The following MRPS6 variants were observed in gnomAD, a reference collection of about 807,000 sequenced individuals.
The protein encoded by MRPS6 is mitochondrial ribosomal protein S6, also known as small ribosomal subunit protein bS6m.
A neutral mutation model predicts 13.1 loss-of-function variants in MRPS6; 6 were observed. The observed-to-expected ratio is 0.46, with a 90% CI of 0.25 to 0.91. The LOEUF (loss-of-function observed/expected upper bound fraction) is 0.91, where lower values mean the gene tolerates loss of function less well. MRPS6 is among the 40% of genes least tolerant of loss of function. The probability of loss-of-function intolerance (pLI) is 0.18; values close to 1 mark genes in which losing one functional copy is unlikely to be tolerated. For synonymous variants in MRPS6, 61 were observed against 56.5 expected (o/e 1.08, Z -0.36); for missense variants, 164 against 155.6 (o/e 1.05, Z -0.29).
At chr21:34,074,790 G>T (rs996872362) in intron 1 of MRPS6, among the ~76,000 whole-genome samples, 5 of 152,210 alleles carry the variant, frequency 3.3e-5, no homozygotes, top group African/African-American at 9.6e-5. Flanking sequence ...TTGAAATTAG[G>T]CTCCAGGTCA....
At chr21:34,089,439 CT>C (rs1978567075) in intron 1 of MRPS6, among the ~76,000 whole-genome samples, 1 of 151,844 alleles carries the variant, frequency 6.6e-6, no homozygotes, top group Non-Finnish European at 1.5e-5. Context: ...TTGTTCTTCC[CT>C]CCCTGACTGC....
chr21:34,117,728 G>T (rs999663960), intron 1 of MRPS6, among the ~76,000 whole-genome samples: 1 of 152,144 alleles, frequency 6.6e-6, no homozygotes, highest in African/African-American at 2.4e-5. Flanking sequence ...AATTTGGTCT[G>T]CCCATAAGAG....
rs910781294 is a variant in MRPS6, at chr21:34,106,299, A to G, written c.46-19042A>G. Reference sequence around the variant, plus strand: ...AAGTATTTTCAGTATGAACACTGCCACAATGTAGTGTTCTGGGTCTCAGAG... The same window carrying G: ...AAGTATTTTCAGTATGAACACTGCCGCAATGTAGTGTTCTGGGTCTCAGAG... On this transcript the variant is annotated intron_variant, in intron 1 of 2. Transcript: ENST00000399312. 9.8e-6 allele frequency: 4 copies of G among 406,494 alleles called. No individual in the cohort carries two copies. In the Admixed American group the frequency reaches 2.6e-4, roughly 26 times the overall value. 25.2% of individuals were successfully genotyped at this position (406,494 alleles called of 1,614,324 possible).
chr21:34,073,730 G>A lies in MRPS6; in HGVS notation c.30G>A (p.Leu10=). The change falls in exon 1 of 3, where the codon CTG becomes CTA. Residue 10 remains leucine (L), a synonymous_variant. Coordinates refer to ENST00000399312, the MANE Select transcript of MRPS6 (RefSeq NM_032476.4). ...CCCGCTACGAGCTGGCTTTAATCCT[G>A]AAAGCCATGCAGCGGGTAAGTGACC... The part of the protein sequence containing the change: MPRYELALI[L]KAMQRPETAA... 1 of 1,528,790 alleles carries A rather than the reference G, an allele frequency of 6.5e-7. No individual in the cohort carries two copies. The highest frequency in any genetic ancestry group is 8.8e-7 in the Non-Finnish European group (1 of 1,132,714). The allele number at this position is 1,528,790 out of a possible 1,614,324, so 94.7% of individuals were successfully genotyped here.
intron 1 of MRPS6, chr21:34,103,563 C>T (rs1389691032): frequency 7.0e-6 from 7 of 999,894 alleles, no homozygotes; most frequent in Non-Finnish European, 8.4e-6. Flanking sequence ...AGCTAAAGTC[C>T]ATAGAAAGCA....
intron 1 of MRPS6, among the ~76,000 whole-genome samples, chr21:34,110,038 G>T (rs1393456367): frequency 6.6e-6 from 1 of 152,150 alleles, no homozygotes; most frequent in Non-Finnish European, 1.5e-5. Flanking sequence ...AAATTTCAGA[G>T]CCTATTGCCC....
At chr21:34,098,013 T>C in intron 1 of MRPS6, 1 of 999,360 alleles carries the variant, frequency 1.0e-6, no homozygotes, top group Non-Finnish European at 1.2e-6. Context: ...TCTTTCTACT[T>C]TCAAGTTTAA....
intron 1 of MRPS6, among the ~76,000 whole-genome samples, chr21:34,091,099 T>C (rs1978660707): frequency 6.6e-6 from 1 of 152,242 alleles, no homozygotes; most frequent in East Asian, 1.9e-4. Flanking sequence ...TATTTTTCAT[T>C]TGGATCAGAG....
chr21:34,120,926 A>G (rs1188054365), intron 1 of MRPS6, among the ~76,000 whole-genome samples: 2 of 152,202 alleles, frequency 1.3e-5, no homozygotes, highest in East Asian at 3.8e-4. Context: ...TGTTAGAGAT[A>G]GAAGGAAACT....
intron 1 of MRPS6, chr21:34,097,720 TAGA>T (rs1602931930): frequency 9.9e-7 from 1 of 1,009,906 alleles, no homozygotes; most frequent in East Asian, 1.1e-4. Context: ...TACCCTGAAG[TAGA>T]AGATTTGCTC....
At chr21:34,104,696 G>A (rs571771645) in intron 1 of MRPS6, 529 of 1,000,080 alleles carry the variant, frequency 5.3e-4, no homozygotes, top group Non-Finnish European at 6.2e-4. Flanking sequence ...TCAGGCCTGG[G>A]GGGATGAGGG....
chr21:34,116,389 C>A (rs1372802502), intron 1 of MRPS6, among the ~76,000 whole-genome samples: 1 of 142,994 alleles, frequency 7.0e-6, no homozygotes, highest in Non-Finnish European at 1.5e-5. Flanking sequence ...TTAATAAGTT[C>A]TTTAGTGGTG....
rs753327329 is a variant in MRPS6, at chr21:34,097,203, C to A, written c.45+23458C>A. On this transcript the variant is annotated intron_variant, in intron 1 of 2. Coordinates refer to ENST00000399312, the MANE Select transcript of MRPS6 (RefSeq NM_032476.4). ...GTTTTGTGGCTTTAAAAGTAAGAGC[C>A]TCAGCAAGAGGAGTCTCAGAGACCT... The A allele has an allele frequency of 1.2e-5, 19 of 1,614,054 alleles. No homozygotes were observed. The highest frequency in any genetic ancestry group is 3.3e-4 in the Middle Eastern group (2 of 6,060).
At chr21:34,110,780 T>C (rs1403630656) in intron 1 of MRPS6, among the ~76,000 whole-genome samples, 1 of 152,220 alleles carries the variant, frequency 6.6e-6, no homozygotes, top group Non-Finnish European at 1.5e-5. Flanking sequence ...TGTTTCTGTT[T>C]AAAGACAACA....
At chr21:34,093,077 CT>C (rs1326334711) in intron 1 of MRPS6, among the ~76,000 whole-genome samples, 1 of 152,090 alleles carries the variant, frequency 6.6e-6, no homozygotes, top group African/African-American at 2.4e-5. Flanking sequence ...TACTAGTCAT[CT>C]GATTAGATTT....
intron 1 of MRPS6, among the ~76,000 whole-genome samples, chr21:34,074,967 G>T (rs892640374): frequency 6.6e-6 from 1 of 152,204 alleles, no homozygotes; most frequent in African/African-American, 2.4e-5. Context: ...GCATGCCATT[G>T]TGTCCCCCAG....
intron 1 of MRPS6, among the ~76,000 whole-genome samples, chr21:34,116,348 T>G (rs1490603423): frequency 1.3e-5 from 2 of 149,940 alleles, no homozygotes; most frequent in Non-Finnish European, 3.0e-5. Flanking sequence ...TTTCTATAGG[T>G]GTTTTTGGGA....
chr21:34,093,632 G>A (rs543497726), intron 1 of MRPS6, among the ~76,000 whole-genome samples: 40 of 149,804 alleles, frequency 2.7e-4, no homozygotes, highest in Admixed American at 3.3e-4. Context: ...TGCCTTATTG[G>A]AAAAGGAGAA....
At chr21:34,128,016 A>T (rs1397097345) in intron 2 of MRPS6, among the ~76,000 whole-genome samples, 2 of 152,180 alleles carry the variant, frequency 1.3e-5, no homozygotes, top group Non-Finnish European at 2.9e-5. Flanking sequence ...TGGCTAATGG[A>T]GTGAGCCTAG....
Sources: allele counts gnomAD v4.1 joint callset (sites outside exome capture counted in the v4.1 genomes callset), GRCh38; gene constraint gnomAD v4.1.1; transcripts MANE v1.5; gene names NCBI Gene and HGNC (gene_info 2026-07-23, HGNC 2026-07-21).